PCDHA8: variants seen among roughly 807,000 people sequenced by gnomAD.
PCDHA8 encodes protocadherin alpha-8.
Under a neutral mutation model 61.8 loss-of-function variants are expected in PCDHA8, and 53 were observed. The ratio of observed to expected loss-of-function variants is 0.86; its 90% confidence interval spans 0.69 to 1.08. PCDHA8 has a LOEUF of 1.08. PCDHA8 is among the 50% of genes least tolerant of loss of function. The pLI is 0.00. For missense variants in PCDHA8, 1,293 were observed against 1,245.0 expected, an observed-to-expected ratio of 1.04 and a Z score of -0.58; for synonymous variants, 618 against 556.6, an observed-to-expected ratio of 1.11 and a Z score of -1.55.
intron 3 of PCDHA8, among the ~76,000 whole-genome samples, chr5:140,986,934 C>T (rs1379562819): frequency 6.6e-6 from 1 of 152,160 alleles, no homozygotes; most frequent in East Asian, 1.9e-4. Flanking sequence ...AGGATGGAGG[C>T]TGGGTGTGGT....
At chr5:140,900,177 A>G (rs1213706705) in intron 1 of PCDHA8, among the ~76,000 whole-genome samples, 1 of 152,194 alleles carries the variant, frequency 6.6e-6, no homozygotes, top group South Asian at 2.1e-4. Context: ...TGCCTGGTTT[A>G]TGTCACTTAT....
At chr5:140,969,760 C>T (rs1166018588) in intron 1 of PCDHA8, among the ~76,000 whole-genome samples, 1 of 152,194 alleles carries the variant, frequency 6.6e-6, no homozygotes, top group Non-Finnish European at 1.5e-5. Flanking sequence ...TTAAAAAGCT[C>T]TGAGGCCTCT....
At chr5:140,954,787 T>C (rs2095088208) in intron 1 of PCDHA8, among the ~76,000 whole-genome samples, 1 of 152,218 alleles carries the variant, frequency 6.6e-6, no homozygotes, top group African/African-American at 2.4e-5. Flanking sequence ...TAGATCTCAT[T>C]TGTCAATTTT....
At position 140,916,615 on chromosome 5, in the gene PCDHA8, T is replaced by C. The variant is rs191815089; in HGVS notation, c.2395-62334T>C. Among the ~76,000 whole-genome samples the C allele has an allele frequency of 2.6e-5, 4 of 152,270 alleles. No homozygotes were observed. In the East Asian group the frequency reaches 5.8e-4, roughly 22 times the overall value. On this transcript the variant is annotated intron_variant, in intron 1 of 3. Transcript: ENST00000531613. ...GGGCCTGGAATGCGGGCCTCATGAC[T>C]CTACTCAATGCCCTATCCTACTGTG...
At chr5:140,971,895 T>C (rs1554233682) in intron 1 of PCDHA8, among the ~76,000 whole-genome samples, 2 of 151,872 alleles carry the variant, frequency 1.3e-5, no homozygotes, top group Non-Finnish European at 2.9e-5. Context: ...TCAGGGAGGT[T>C]AGGTAATCTA....
chr5:140,948,885 T>C (rs2094319889), intron 1 of PCDHA8, among the ~76,000 whole-genome samples: 1 of 151,652 alleles, frequency 6.6e-6, no homozygotes, highest in Non-Finnish European at 1.5e-5. Context: ...TTGCTCTCTT[T>C]TAGATTTTAA....
At chr5:140,968,923 T>C in intron 1 of PCDHA8, 1 of 1,614,212 alleles carries the variant, frequency 6.2e-7, no homozygotes, top group Non-Finnish European at 8.5e-7. Flanking sequence ...CTTTTATATT[T>C]CTTTTGACAA....
At chr5:140,858,581 T>C in intron 1 of PCDHA8, 1 of 1,350,098 alleles carries the variant, frequency 7.4e-7, no homozygotes, top group South Asian at 1.4e-5. Context: ...CTTTGTAATA[T>C]AATTTATTCC....
At chr5:140,857,839 C>A in intron 1 of PCDHA8, 1 of 1,597,776 alleles carries the variant, frequency 6.3e-7, no homozygotes, top group South Asian at 1.1e-5. Flanking sequence ...GCGCAGTGGA[C>A]GCTGACTCTG....
In PCDHA8 at chr5:140,843,023, C is replaced by G. The variant is rs2150350362; in HGVS notation, c.1702C>G (p.Pro568Ala). 1.3e-5 allele frequency: 21 copies of G among 1,595,146 alleles called. 2 individuals carry two copies. The highest frequency in any genetic ancestry group is 7.7e-5 in the South Asian group (7 of 90,508). The change falls in exon 1 of 4, where the codon CCT becomes GCT. Residue 568 changes from proline (P) to alanine (A), a missense_variant. Physicochemically the swap from Pro to Ala is conservative, Grantham distance 27. Coordinates refer to ENST00000531613, the MANE Select transcript of PCDHA8 (RefSeq NM_018911.3). ...ENDNAPALLE[P>A]RVGGTGGAAS... ...TGACAACGCGCCGGCACTGCTGGAG[C>G]CTCGGGTGGGTGGCACTGGTGGCGC...
chr5:140,958,546 C>A (rs1366018855), intron 1 of PCDHA8, among the ~76,000 whole-genome samples: 3 of 152,034 alleles, frequency 2.0e-5, no homozygotes, highest in Non-Finnish European at 4.4e-5. Context: ...ATTTATGAAC[C>A]AATAAATGTT....
chr5:140,848,707 G>GC, intron 1 of PCDHA8: 1 of 1,592,428 alleles, frequency 6.3e-7, no homozygotes, highest in Non-Finnish European at 8.6e-7. Flanking sequence ...TCCAAAGGCC[G>GC]CGGGGACCTT....
At chr5:140,882,127 C>G in intron 1 of PCDHA8, 2 of 1,464,686 alleles carry the variant, frequency 1.4e-6, no homozygotes. Flanking sequence ...TTTCTTTCTT[C>G]CTGCAGAAAA....
intron 1 of PCDHA8, among the ~76,000 whole-genome samples, chr5:140,897,305 G>T (rs952231570): frequency 6.6e-6 from 1 of 150,594 alleles, no homozygotes; most frequent in Non-Finnish European, 1.5e-5. Context: ...TTAGCATTAG[G>T]TATATCTCCT....
intron 1 of PCDHA8, among the ~76,000 whole-genome samples, chr5:140,854,845 T>C (rs1554147464): frequency 6.7e-6 from 1 of 149,904 alleles, no homozygotes; most frequent in Non-Finnish European, 1.5e-5. Flanking sequence ...CTGACATTGA[T>C]AAAATTACTA....
rs782552456 is a variant in PCDHA8, at chr5:140,870,511, G to T, written c.2394+26796G>T. On this transcript the variant is annotated intron_variant, in intron 1 of 3. Transcript: ENST00000531613. ...GTTCGTGAAGGAGAACAACCCACCA[G>T]GCTGCCACATCTTCACAGTGTCGGC... 9.9e-6 allele frequency: 16 copies of T among 1,614,242 alleles called. No homozygotes were observed. The highest frequency in any genetic ancestry group is 1.3e-5 in the Non-Finnish European group (15 of 1,180,048).
At chr5:140,870,141 T>C in intron 1 of PCDHA8, 1 of 1,613,952 alleles carries the variant, frequency 6.2e-7, no homozygotes, top group Non-Finnish European at 8.5e-7. Flanking sequence ...ACGATAACTC[T>C]CCTGAAGTCG....
chr5:140,889,766 A>T (rs2062380294), intron 1 of PCDHA8, among the ~76,000 whole-genome samples: 1 of 152,064 alleles, frequency 6.6e-6, no homozygotes, highest in Non-Finnish European at 1.5e-5. Flanking sequence ...TTGAACTTTG[A>T]CTGGTCTTAA....
rs2150513075 is a variant in PCDHA8, at chr5:140,852,180, T to C, written c.2394+8465T>C. The C allele has an allele frequency of 3.0e-5, 23 of 771,014 alleles. 2 individuals carry two copies. The highest frequency in any genetic ancestry group is 3.4e-5 in the Non-Finnish European group (21 of 620,092). The allele number at this position is 771,014 out of a possible 1,614,324, so 47.8% of individuals were successfully genotyped here. On this transcript the variant is annotated intron_variant, in intron 1 of 3. Coordinates refer to ENST00000531613, the MANE Select transcript of PCDHA8 (RefSeq NM_018911.3). ...GAGAATAGAGCCACAAAAATAACTATGAAAATGCCAGTAACGTTTATTTAA... is the reference window on the plus strand; with the variant it reads ...GAGAATAGAGCCACAAAAATAACTACGAAAATGCCAGTAACGTTTATTTAA...
Sources: allele counts gnomAD v4.1 joint callset (sites outside exome capture counted in the v4.1 genomes callset), GRCh38; gene constraint gnomAD v4.1.1; transcripts MANE v1.5; gene names NCBI Gene and HGNC (gene_info 2026-07-23, HGNC 2026-07-21).